Variants in OCA2 observed in about 807,000 individuals in gnomAD.
OCA2 encodes the protein P protein.
OCA2 carries 77 observed loss-of-function variants against 100.2 expected under a neutral mutation model. That is an observed-to-expected ratio of 0.77 (90% CI 0.64 to 0.93). The LOEUF (loss-of-function observed/expected upper bound fraction) is 0.93. OCA2 is among the 40% of genes least tolerant of loss of function. The probability of loss-of-function intolerance (pLI) is 0.00; values close to 1 mark genes in which losing one functional copy is unlikely to be tolerated. For missense variants in OCA2, 1,062 were observed against 1,089.1 expected, an observed-to-expected ratio of 0.98 and a Z score of 0.35; for synonymous variants, 432 against 439.2, an observed-to-expected ratio of 0.98 and a Z score of 0.21.
At chr15:27,848,465 G>A (rs1417549479) in intron 22 of OCA2, among the ~76,000 whole-genome samples, 1 of 152,202 alleles carries the variant, frequency 6.6e-6, no homozygotes, top group African/African-American at 2.4e-5. Context: ...GGCCCCAGGT[G>A]TCACTTCCCC....
At position 28,022,542 on chromosome 15, in the gene OCA2, T is replaced by G; in HGVS notation, c.605A>C (p.Lys202Thr). The G allele has an allele frequency of 6.2e-7, 1 of 1,614,100 alleles. No individual in the cohort carries two copies. Among genetic ancestry groups the G allele is most frequent in the Non-Finnish European group, 8.5e-7 (1 of 1,179,952 alleles). Reference protein sequence around the residue: ...ILFSLYPDQGKLWQLLALSPL... With the variant: ...ILFSLYPDQGTLWQLLALSPL... ...TGATAAGGCCAACAGCTGCCAGAGC[T>G]TTCCTTGATCCGGATATAGGCTGAA... The change falls in exon 6 of 24, where the codon AAG becomes ACG. Residue 202 changes from lysine to threonine, a missense_variant. Physicochemically the swap from Lys to Thr is moderately conservative, Grantham distance 78. Transcript: ENST00000354638.
chr15:27,904,420 G>C (rs1421902220), intron 19 of OCA2, among the ~76,000 whole-genome samples: 1 of 152,148 alleles, frequency 6.6e-6, no homozygotes, highest in Non-Finnish European at 1.5e-5. Flanking sequence ...ACTACAGTGC[G>C]GGGTGTATCC....
At chr15:28,083,738 CAA>C (rs1491269156) in intron 1 of OCA2, among the ~76,000 whole-genome samples, 36 of 152,120 alleles carry the variant, frequency 2.4e-4, no homozygotes, top group African/African-American at 8.0e-4. Flanking sequence ...CATGACAAGC[CAA>C]GAGAGAGAGA....
At chr15:27,749,807 G>C in the OCA2 span, among the ~76,000 whole-genome samples, 861 of 152,274 alleles carry the variant, frequency 5.7e-3, 8 homozygotes, top group African/African-American at 0.02. Context: ...GCTGAAAATT[G>C]TAAGATGTTG....
At position 27,851,452 on chromosome 15, in the gene OCA2, G is replaced by C; in HGVS notation, c.2268C>G (p.Ser756Arg). 3 of 1,613,754 alleles carry C rather than the reference G, an allele frequency of 1.9e-6. No individual in the cohort carries two copies. The highest frequency in any genetic ancestry group is 1.7e-6 in the Non-Finnish European group (2 of 1,179,916). Residue 756 changes from serine (S) to arginine (R), a missense_variant, in exon 22 of 24, where the codon AGC becomes AGG. Transcript: ENST00000354638. ...CGGGCAGGCCAACCTCAGGGTCGTG[G>C]CTCAGGTTCAGGAGCACGGGAATCT... is the stretch of plus-strand genomic sequence containing the variant. Reference protein sequence around the residue: ...ATMIPVLLNLSHDPEVGLPAP... With the variant: ...ATMIPVLLNLRHDPEVGLPAP...
rs554865561 is a variant in OCA2 at position 27,814,366 on chromosome 15, A to G, written c.2432+30593T>C. Among the ~76,000 whole-genome samples, 29 of 152,356 alleles carry G rather than the reference A, an allele frequency of 1.9e-4. No homozygotes were observed. In the South Asian group the frequency reaches 3.5e-3, roughly 18 times the overall value. ...GATAATGGAGATATATTTAAGACATACAATGATGTCCATTGACAAAAGACT... is the reference window on the plus strand; with the variant it reads ...GATAATGGAGATATATTTAAGACATGCAATGATGTCCATTGACAAAAGACT... On this transcript the variant is annotated intron_variant, in intron 23 of 23. Coordinates refer to ENST00000354638, the MANE Select transcript of OCA2 (RefSeq NM_000275.3).
downstream of OCA2, among the ~76,000 whole-genome samples, chr15:27,751,047 AC>A (rs1049880782): frequency 1.3e-5 from 2 of 152,158 alleles, no homozygotes; most frequent in African/African-American, 4.8e-5. Context: ...CTCTTCCCAC[AC>A]CTTCCTCAGA....
At chr15:27,780,182 A>C (rs2032464829) in intron 23 of OCA2, among the ~76,000 whole-genome samples, 1 of 152,162 alleles carries the variant, frequency 6.6e-6, no homozygotes, top group African/African-American at 2.4e-5. Context: ...ACATGCTGAG[A>C]GGGGCGTAGG....
chr15:28,018,566 G>A lies in OCA2; in HGVS notation c.647-9C>T, dbSNP rs1195427655. 6.2e-7 allele frequency: 1 copy of A among 1,611,342 alleles called. No homozygotes were observed. Among genetic ancestry groups the A allele is most frequent in the Non-Finnish European group, 8.5e-7 (1 of 1,179,404 alleles). On this transcript the variant is annotated splice_polypyrimidine_tract_variant and intron_variant, in intron 6 of 23. Coordinates refer to ENST00000354638, the MANE Select transcript of OCA2 (RefSeq NM_000275.3). Reference sequence around the variant, plus strand: ...GCTGCTAAGGTTCACGGCTCGGAGAGTGTCAAGGAGAACCACAAGGCAGAC... The same window carrying A: ...GCTGCTAAGGTTCACGGCTCGGAGAATGTCAAGGAGAACCACAAGGCAGAC...
At chr15:27,962,611 C>T (rs1244399844) in intron 15 of OCA2, among the ~76,000 whole-genome samples, 1 of 152,052 alleles carries the variant, frequency 6.6e-6, no homozygotes, top group Non-Finnish European at 1.5e-5. Flanking sequence ...TATAATATCG[C>T]TCAAAGTTAG....
chr15:28,036,353 G>A (rs560794537), intron 2 of OCA2, among the ~76,000 whole-genome samples: 1 of 152,264 alleles, frequency 6.6e-6, no homozygotes, highest in South Asian at 2.1e-4. Flanking sequence ...TGGTCCTTTT[G>A]CTGGAAGAGA....
Position 27,951,721 on chromosome 15 carries a change from G to C in OCA2, c.1951+63C>G, listed in dbSNP as rs951694579. On this transcript the variant is annotated intron_variant, in intron 18 of 23. Coordinates refer to ENST00000354638, the MANE Select transcript of OCA2 (RefSeq NM_000275.3). The stretch of plus-strand genomic sequence containing the variant: ...GGGCAAAGTCAGTGTCTGGGAACAG[G>C]CTCTGAAACCTTCCCATCCAGAATG... 1.2e-5 allele frequency: 14 copies of C among 1,186,090 alleles called. No homozygotes were observed. The East Asian group carries it at 3.4e-4, about 29-fold the overall frequency. The allele number at this position is 1,186,090 out of a possible 1,614,324, so 73.5% of individuals were successfully genotyped here.
intron 19 of OCA2, among the ~76,000 whole-genome samples, chr15:27,888,614 C>G (rs1400749894): frequency 1.3e-5 from 2 of 151,934 alleles, no homozygotes; most frequent in Non-Finnish European, 2.9e-5. Context: ...AAAAAAGAAC[C>G]AAATGGAAAT....
At chr15:27,834,192 A>G (rs772879904) in intron 23 of OCA2, among the ~76,000 whole-genome samples, 1 of 152,180 alleles carries the variant, frequency 6.6e-6, no homozygotes, top group Non-Finnish European at 1.5e-5. Context: ...GATTGAGCCA[A>G]TCACAAATGG....
In OCA2 at chr15:28,024,911, GA is replaced by G. The variant is rs2042703879; in HGVS notation, c.516-10del. Reference sequence around the variant, plus strand: ...GCCACTGCACACAGCGCCTGCAAGAGAAAAAGTAGGGCCTTAGTGGCAAGGG... The same window carrying G: ...GCCACTGCACACAGCGCCTGCAAGAGAAAAGTAGGGCCTTAGTGGCAAGGG... On this transcript the variant is annotated splice_polypyrimidine_tract_variant and intron_variant, in intron 4 of 23. Transcript: ENST00000354638. 1 of 1,614,120 alleles carries G rather than the reference GA, an allele frequency of 6.2e-7. No homozygotes were observed. The highest frequency in any genetic ancestry group is 1.7e-5 in the Admixed American group (1 of 60,020).
chr15:28,069,635 C>T (rs1001430038), intron 2 of OCA2, among the ~76,000 whole-genome samples: 9 of 145,834 alleles, frequency 6.2e-5, no homozygotes, highest in African/African-American at 1.6e-4. Context: ...AGCCCCTAAC[C>T]GCGAGTGATC....
At chr15:27,982,571 A>G (rs1005113084) in intron 14 of OCA2, among the ~76,000 whole-genome samples, 1 of 152,194 alleles carries the variant, frequency 6.6e-6, no homozygotes, top group Non-Finnish European at 1.5e-5. Context: ...GCTTCCATGA[A>G]GCGGCCATTA....
intron 9 of OCA2, among the ~76,000 whole-genome samples, chr15:28,010,466 A>G (rs1439641091): frequency 1.3e-5 from 2 of 152,128 alleles, no homozygotes; most frequent in Admixed American, 1.3e-4. Context: ...AATCTCAATA[A>G]TTTTATTTTT....
At chr15:27,755,861 C>T (rs1345835278) in intron 23 of OCA2, among the ~76,000 whole-genome samples, 1 of 152,204 alleles carries the variant, frequency 6.6e-6, no homozygotes, top group African/African-American at 2.4e-5. Context: ...TCCCAGAGAT[C>T]CCAGCTTCCA....
Sources: allele counts gnomAD v4.1 joint callset (sites outside exome capture counted in the v4.1 genomes callset), GRCh38; gene constraint gnomAD v4.1.1; transcripts MANE v1.5; gene names NCBI Gene and HGNC (gene_info 2026-07-23, HGNC 2026-07-21).